CCSER1: variants seen among roughly 807,000 people sequenced by gnomAD.
CCSER1 encodes coiled-coil serine rich protein 1, also known as serine-rich coiled-coil domain-containing protein 1.
A neutral mutation model predicts 82.0 loss-of-function variants in CCSER1; 41 were observed. The observed-to-expected ratio is 0.50, with a 90% CI of 0.39 to 0.65. The LOEUF (loss-of-function observed/expected upper bound fraction) is 0.65. Among genes scored for constraint, CCSER1 ranks in the 30% least tolerant of loss-of-function variants. The pLI is 0.00. For synonymous variants in CCSER1, 414 were observed against 383.9 expected, an observed-to-expected ratio of 1.08 and a Z score of -0.92; for missense variants, 1,119 against 1,064.2, an observed-to-expected ratio of 1.05 and a Z score of -0.72.
intron 9 of CCSER1, among the ~76,000 whole-genome samples, chr4:91,070,454 G>C (rs1378838609): frequency 6.6e-6 from 1 of 152,166 alleles, no homozygotes; most frequent in Non-Finnish European, 1.5e-5. Context: ...ACACTGTCCT[G>C]TCAAGAATTG....
intron 10 of CCSER1, among the ~76,000 whole-genome samples, chr4:91,133,169 A>G (rs1269529410): frequency 6.6e-6 from 1 of 152,022 alleles, no homozygotes; most frequent in Non-Finnish European, 1.5e-5. Context: ...AATAATATTC[A>G]TTGGTTCCCT....
At chr4:91,443,846 C>T (rs1477286189) in intron 10 of CCSER1, among the ~76,000 whole-genome samples, 2 of 150,882 alleles carry the variant, frequency 1.3e-5, no homozygotes, top group Admixed American at 6.6e-5. Context: ...AGATATTTAA[C>T]AATTCAGAAT....
chr4:90,703,751 C>T (rs569139049), intron 6 of CCSER1, among the ~76,000 whole-genome samples: 1 of 152,176 alleles, frequency 6.6e-6, no homozygotes, highest in South Asian at 2.1e-4. Flanking sequence ...CTCTTTTGAT[C>T]TTTGTTGGTT....
chr4:90,308,467 C>G lies in CCSER1; in HGVS notation c.183C>G (p.Ser61Arg). 1.2e-6 allele frequency: 2 copies of G among 1,613,696 alleles called. No individual in the cohort carries two copies. The highest frequency in any genetic ancestry group is 1.7e-6 in the Non-Finnish European group (2 of 1,179,682). Residue 61 changes from serine to arginine, a missense_variant, in exon 2 of 11, where the codon AGC becomes AGG. By Grantham distance (110) the Ser-to-Arg change is moderately radical (BLOSUM62 -1). Coordinates refer to ENST00000509176, the MANE Select transcript of CCSER1 (RefSeq NM_001145065.2). ...SSSGSTGKRRSIFRTPSISFH... is the reference protein window; with the variant it reads ...SSSGSTGKRRRIFRTPSISFH... ...CAGGTAGCACAGGTAAACGGAGGAGCATATTCCGTACTCCTTCCATTAGCT... is the reference window on the plus strand; with the variant it reads ...CAGGTAGCACAGGTAAACGGAGGAGGATATTCCGTACTCCTTCCATTAGCT...
chr4:91,595,967 A>AG (rs1764555969), intron 10 of CCSER1, among the ~76,000 whole-genome samples: 20 of 137,438 alleles, frequency 1.5e-4, no homozygotes, highest in Admixed American at 1.4e-3. Context: ...AAAAAAAAAA[A>AG]CCAAGGGCAA....
At chr4:91,557,726 A>C (rs1408539649) in intron 10 of CCSER1, among the ~76,000 whole-genome samples, 1 of 151,412 alleles carries the variant, frequency 6.6e-6, no homozygotes, top group Non-Finnish European at 1.5e-5. Context: ...ACAGGAGCCC[A>C]GAGTGAAAGT....
intron 10 of CCSER1, among the ~76,000 whole-genome samples, chr4:91,378,434 G>C (rs1750602729): frequency 6.6e-6 from 1 of 152,118 alleles, no homozygotes; most frequent in Non-Finnish European, 1.5e-5. Context: ...ATTGAGCAGT[G>C]GTTTGTAGTT....
intron 10 of CCSER1, among the ~76,000 whole-genome samples, chr4:91,377,356 A>G (rs1750505147): frequency 6.6e-6 from 1 of 152,190 alleles, no homozygotes; most frequent in African/African-American, 2.4e-5. Flanking sequence ...ACTAGTTTAC[A>G]GTCCCACCAA....
rs1287374712 is a variant in CCSER1 at position 91,440,592 on chromosome 4, T to G, written c.2218-157980T>G. Among the ~76,000 whole-genome samples the G allele has an allele frequency of 2.6e-5, 4 of 152,000 alleles. No individual in the cohort carries two copies. The East Asian group carries it at 7.7e-4, about 29-fold the overall frequency. ...AGCAACAGCAAACACATTCAAAAGC[T>G]AGGAGAAGGCAAGAAATAACTAAAA... is the stretch of plus-strand genomic sequence containing the variant. On this transcript the variant is annotated intron_variant, in intron 10 of 10. Transcript: ENST00000509176.
chr4:91,456,989 G>T (rs1756216306), intron 10 of CCSER1, among the ~76,000 whole-genome samples: 1 of 151,990 alleles, frequency 6.6e-6, no homozygotes, highest in Non-Finnish European at 1.5e-5. Context: ...ATTAAAATAA[G>T]AATTATTTAA....
chr4:91,107,438 G>T (rs1174956331), intron 10 of CCSER1, among the ~76,000 whole-genome samples: 1 of 152,030 alleles, frequency 6.6e-6, no homozygotes, highest in South Asian at 2.1e-4. Flanking sequence ...TGTATTTTTA[G>T]TAGAGATGGG....
Position 90,628,188 on chromosome 4 carries a change from G to T in CCSER1, c.1888G>T (p.Ala630Ser). Residue 630 changes from alanine (A) to serine (S), a missense_variant, in exon 6 of 11, where the codon GCA becomes TCA. Physicochemically the swap from Ala to Ser is moderately conservative, Grantham distance 99. Transcript: ENST00000509176. Reference protein sequence around the residue: ...PFRLMLQDCTAVKTLLLKMKR... With the variant: ...PFRLMLQDCTSVKTLLLKMKR... ...CAGACTGATGTTACAGGACTGCACG[G>T]CAGTCAAGACGTTATTATTAAAGAT... 6.2e-7 allele frequency: 1 copy of T among 1,613,854 alleles called. No homozygotes were observed. The highest frequency in any genetic ancestry group is 8.5e-7 in the Non-Finnish European group (1 of 1,179,820).
intron 10 of CCSER1, among the ~76,000 whole-genome samples, chr4:91,095,554 G>GT (rs1184869001): frequency 6.6e-6 from 1 of 152,104 alleles, no homozygotes; most frequent in Non-Finnish European, 1.5e-5. Flanking sequence ...AAAACAGCCT[G>GT]TTTTTGCGAT....
At chr4:91,345,887 G>A (rs1748021300) in intron 10 of CCSER1, among the ~76,000 whole-genome samples, 1 of 151,906 alleles carries the variant, frequency 6.6e-6, no homozygotes, top group Non-Finnish European at 1.5e-5. Flanking sequence ...TCTTTTTACT[G>A]TGTCCATAGT....
chr4:90,659,420 T>C (rs1198327659), intron 6 of CCSER1, among the ~76,000 whole-genome samples: 1 of 152,088 alleles, frequency 6.6e-6, no homozygotes, highest in Non-Finnish European at 1.5e-5. Context: ...TTCATAAATT[T>C]AGAGGATTTA....
chr4:90,501,747 G>A (rs1769913394), intron 5 of CCSER1, among the ~76,000 whole-genome samples: 1 of 152,136 alleles, frequency 6.6e-6, no homozygotes, highest in Non-Finnish European at 1.5e-5. Context: ...GCAGATGAAG[G>A]AAACACAATT....
chr4:90,501,006 A>G (rs778453375), intron 5 of CCSER1, among the ~76,000 whole-genome samples: 2 of 152,128 alleles, frequency 1.3e-5, no homozygotes, highest in Non-Finnish European at 2.9e-5. Flanking sequence ...TAAAGAATAT[A>G]TAGAGCAAAC....
intron 1 of CCSER1, among the ~76,000 whole-genome samples, chr4:90,211,374 T>C (rs1290949838): frequency 6.6e-6 from 1 of 152,206 alleles, no homozygotes; most frequent in African/African-American, 2.4e-5. Context: ...CCAGCATTAG[T>C]GCTTTCAAGG....
chr4:90,688,266 G>A (rs1385305259), intron 6 of CCSER1, among the ~76,000 whole-genome samples: 1 of 151,938 alleles, frequency 6.6e-6, no homozygotes, highest in Non-Finnish European at 1.5e-5. Context: ...TATGCATTCT[G>A]TATCCTTTGC....
Sources: allele counts gnomAD v4.1 joint callset (sites outside exome capture counted in the v4.1 genomes callset), GRCh38; gene constraint gnomAD v4.1.1; transcripts MANE v1.5; gene names NCBI Gene and HGNC (gene_info 2026-07-23, HGNC 2026-07-21).